The following SMPDL3A variants were observed in gnomAD, a reference collection of about 807,000 sequenced individuals.
SMPDL3A encodes sphingomyelin phosphodiesterase acid like 3A.
Under a neutral mutation model 38.5 loss-of-function variants are expected in SMPDL3A, and 39 were observed. The ratio of observed to expected loss-of-function variants is 1.01; its 90% CI spans 0.78 to 1.32. The LOEUF (loss-of-function observed/expected upper bound fraction) is 1.32. Among genes scored for constraint, SMPDL3A ranks in the 40% most tolerant of loss-of-function variants. The pLI, the probability that SMPDL3A is intolerant of heterozygous loss-of-function variation, is 0.00. For synonymous variants in SMPDL3A, 180 were observed against 194.3 expected, an observed-to-expected ratio of 0.93 and a Z score of 0.61; for missense variants, 502 against 536.2, an observed-to-expected ratio of 0.94 and a Z score of 0.63.
intron 1 of SMPDL3A, among the ~76,000 whole-genome samples, chr6:122,794,205 G>T (rs575519368): frequency 2.7e-4 from 41 of 152,208 alleles, no homozygotes; most frequent in African/African-American, 9.2e-4. Flanking sequence ...AAATGACATA[G>T]TATATTTAAA....
chr6:122,809,200 C>T lies in SMPDL3A; in HGVS notation c.1154C>T (p.Pro385Leu), dbSNP rs148891349. 3.0e-5 allele frequency: 49 copies of T among 1,613,996 alleles called. No individual in the cohort carries two copies. The African/African-American group carries it at 4.5e-4, about 15-fold the overall frequency. The change falls in exon 8 of 8, where the codon CCG becomes CTG. Residue 385 changes from proline to leucine, a missense_variant. Transcript: ENST00000368440. ...ACCTACGACATTGAAGATTTGCAGC[C>T]GGAAAGTTTATATGGATTAGCTAAA... ...TQTYDIEDLQ[P>L]ESLYGLAKQF... is the part of the protein sequence containing the mutation.
At chr6:122,803,588 C>A in intron 4 of SMPDL3A, 76 bp from the exon 5 acceptor site, 2 of 1,089,932 alleles carry the variant, frequency 1.8e-6, no homozygotes, top group South Asian at 1.5e-5. Flanking sequence ...GGATTGTAAA[C>A]CTCAGGAATT....
At chr6:122,793,769 A>G (rs1781151791) in intron 1 of SMPDL3A, among the ~76,000 whole-genome samples, 2 of 152,178 alleles carry the variant, frequency 1.3e-5, no homozygotes, top group African/African-American at 4.8e-5. Context: ...ACCAAAAGAT[A>G]ACTCACCCCT....
intron 6 of SMPDL3A, 21 bp from the exon 7 acceptor site, chr6:122,806,212 A>G (rs369635179): frequency 6.3e-7 from 1 of 1,599,370 alleles, no homozygotes; most frequent in African/African-American, 1.3e-5. Flanking sequence ...ATGTATGTTT[A>G]TGTGCATACG....
chr6:122,797,173 A>G, intron 3 of SMPDL3A: 1 of 421,154 alleles, frequency 2.4e-6, no homozygotes, highest in Non-Finnish European at 4.2e-6. Context: ...GAGAAGTTGT[A>G]TCAATAGTGA....
intron 5 of SMPDL3A, among the ~76,000 whole-genome samples, chr6:122,804,662 T>C (rs1781542081): frequency 6.6e-6 from 1 of 152,180 alleles, no homozygotes. Flanking sequence ...TCTATTGGTA[T>C]AAAAAGAGGC....
intron 3 of SMPDL3A, among the ~76,000 whole-genome samples, chr6:122,799,414 T>C (rs905850597): frequency 2.6e-5 from 4 of 152,320 alleles, no homozygotes; most frequent in Non-Finnish European, 5.9e-5. Flanking sequence ...GGATAAGCCA[T>C]CTAACTTCTC....
chr6:122,792,929 AAC>A (rs963561246), intron 1 of SMPDL3A, among the ~76,000 whole-genome samples: 8 of 152,102 alleles, frequency 5.3e-5, no homozygotes, highest in African/African-American at 1.4e-4. Flanking sequence ...TGAATGTGAA[AAC>A]ACAGAGAGGA....
intron 6 of SMPDL3A, among the ~76,000 whole-genome samples, chr6:122,805,656 G>A (rs370964978): frequency 1.5e-3 from 233 of 152,214 alleles, no homozygotes; most frequent in African/African-American, 5.5e-3. Flanking sequence ...ACGGAGCCTC[G>A]CTCTGTTGCC....
rs768535786 is a variant in SMPDL3A, at chr6:122,795,891, G to T, written c.326+1G>T. On this transcript the variant is annotated splice_donor_variant, in intron 2 of 7. Transcript: ENST00000368440. LOFTEE classifies it high-confidence loss of function. ...AAGCATCTTTCATGATATGGACAGGGTAAGTGATTATACAAGTACCATTAA... is the reference window on the plus strand; with the variant it reads ...AAGCATCTTTCATGATATGGACAGGTTAAGTGATTATACAAGTACCATTAA... 13 of 1,595,640 alleles carry T rather than the reference G, an allele frequency of 8.1e-6. No homozygotes were observed. Among genetic ancestry groups the T allele is most frequent in the Non-Finnish European group, 7.7e-6 (9 of 1,163,764 alleles).
At position 122,789,419 on chromosome 6, in the gene SMPDL3A, G is replaced by C. The variant is rs1450298291; in HGVS notation, c.73G>C (p.Val25Leu). 3 of 1,549,326 alleles carry C rather than the reference G, an allele frequency of 1.9e-6. No homozygotes were observed. In the Admixed American group the frequency reaches 5.9e-5, roughly 30 times the overall value. The change falls in exon 1 of 8, where the codon GTG becomes CTG. Residue 25 changes from valine (V) to leucine (L), a missense_variant. Transcript: ENST00000368440. Reference sequence around the variant, plus strand: ...CTGCCGCTCCGGCCTCGGGCTGCCCGTGGCGCCCGCAGGCGGCAGGAATCC... The same window carrying C: ...CTGCCGCTCCGGCCTCGGGCTGCCCCTGGCGCCCGCAGGCGGCAGGAATCC... The part of the protein sequence containing the change: ...WHCRSGLGLP[V>L]APAGGRNPPP...
intron 5 of SMPDL3A, among the ~76,000 whole-genome samples, chr6:122,804,706 C>T (rs935801256): frequency 1.3e-5 from 2 of 152,052 alleles, no homozygotes; most frequent in African/African-American, 4.8e-5. Flanking sequence ...GTCACAGTTG[C>T]CTTATATCAT....
Position 122,802,448 on chromosome 6 carries a change from T to TGCCTCA in SMPDL3A, c.568+1048_568+1053dup, listed in dbSNP as rs568720302. ...GGCTTCTGACCTCAGGAGATCCACC[T>TGCCTCA]GCCTCAGCCTCCCAAAGTGCTGGGA... is the stretch of plus-strand genomic sequence containing the variant. On this transcript the variant is annotated intron_variant, in intron 4 of 7. Coordinates refer to ENST00000368440, the MANE Select transcript of SMPDL3A (RefSeq NM_006714.5). Among the ~76,000 whole-genome samples, 624 of 152,248 alleles carry TGCCTCA rather than the reference T, an allele frequency of 4.1e-3. 4 individuals carry two copies. The highest frequency in any genetic ancestry group is 0.014 in the African/African-American group (598 of 41,546).
intron 3 of SMPDL3A, among the ~76,000 whole-genome samples, chr6:122,799,258 G>A (rs9401599): frequency 0.13 from 19,932 of 152,178 alleles, 1,753 homozygotes; most frequent in East Asian, 0.35. Flanking sequence ...GAATTTGTGG[G>A]TAGGTCACTT....
chr6:122,792,705 C>T (rs1482078445), intron 1 of SMPDL3A, among the ~76,000 whole-genome samples: 2 of 149,746 alleles, frequency 1.3e-5, no homozygotes, highest in East Asian at 4.0e-4. Context: ...CCAATCTTGG[C>T]TCACTGCAGC....
intron 4 of SMPDL3A, among the ~76,000 whole-genome samples, chr6:122,803,016 GGCA>G (rs1219304076): frequency 5.3e-5 from 8 of 152,278 alleles, no homozygotes; most frequent in Non-Finnish European, 1.2e-4. Flanking sequence ...AAATTAAAGG[GGCA>G]GTGATCCATC....
rs140239175 is a variant in SMPDL3A at position 122,808,376 on chromosome 6, T to C, written c.1045-715T>C. On this transcript the variant is annotated intron_variant, in intron 7 of 7. Transcript: ENST00000368440. ...TGCCACAGATTGACTAGCAACATTC[T>C]TAAAAATTTGACAGTCGGCTTTTGT... Among the ~76,000 whole-genome samples the C allele has an allele frequency of 2.6e-5, 4 of 152,290 alleles. No homozygotes were observed. The East Asian group carries it at 7.7e-4, about 29-fold the overall frequency.
At position 122,806,265 on chromosome 6, in the gene SMPDL3A, G is replaced by A. The variant is rs1254170363; in HGVS notation, c.952G>A (p.Ala318Thr). The A allele has an allele frequency of 3.7e-6, 6 of 1,612,874 alleles. No individual in the cohort carries two copies. The highest frequency in any genetic ancestry group is 2.2e-5 in the South Asian group (2 of 90,920). The change falls in exon 7 of 8, where the codon GCT (alanine) becomes ACT (threonine). Residue 318 changes from alanine (A) to threonine (T), a missense_variant. Ala to Thr is a moderately conservative substitution (Grantham distance 58). Coordinates refer to ENST00000368440, the MANE Select transcript of SMPDL3A (RefSeq NM_006714.5). ...SPVNSLFVAP[A>T]VTPVKSVLEK... The stretch of plus-strand genomic sequence containing the variant: ...AGTAAATTCTTTGTTTGTGGCTCCT[G>A]CTGTTACACCAGTGAAGAGTGTTTT...
At position 122,789,370 on chromosome 6, in the gene SMPDL3A, C is replaced by T. The variant is rs1780979831; in HGVS notation, c.24C>T (p.Val8=). Residue 8 remains valine, a synonymous_variant, in exon 1 of 8, where the codon GTC becomes GTT. Transcript: ENST00000368440. ...CCATGGCGCTGGTGCGCGCACTCGT[C>T]TGCTGCCTGCTGACTGCCTGGCACT... is the stretch of plus-strand genomic sequence containing the variant. MALVRAL[V]CCLLTAWHCR... is the part of the protein sequence containing the mutation. The T allele has an allele frequency of 6.5e-7, 1 of 1,548,066 alleles. No individual in the cohort carries two copies. Among genetic ancestry groups the T allele is most frequent in the African/African-American group, 1.4e-5 (1 of 72,950 alleles).
Sources: gnomAD v4.1 joint callset for allele counts (sites outside exome capture counted in the v4.1 genomes callset) on GRCh38, gnomAD v4.1.1 for gene constraint, MANE v1.5 for transcripts, NCBI Gene and HGNC (gene_info 2026-07-23, HGNC 2026-07-21) for gene names.